Variants in PRPH observed in about 807,000 individuals in gnomAD.
PRPH encodes peripherin, also known as neurofilament 4 (57kD).
PRPH carries 48 observed loss-of-function variants against 52.6 expected under a neutral mutation model. The observed-to-expected ratio is 0.91, with a 90% CI of 0.72 to 1.16. The LOEUF (loss-of-function observed/expected upper bound fraction) is 1.16, where lower values mean the gene tolerates loss of function less well. PRPH is among the 50% of genes most tolerant of loss of function. The probability of loss-of-function intolerance (pLI) is 0.00; values close to 1 mark genes in which losing one functional copy is unlikely to be tolerated. For missense variants in PRPH, 579 were observed against 635.7 expected (o/e 0.91, Z 0.96); for synonymous variants, 279 against 283.8 (o/e 0.98, Z 0.17).
rs1943193601 is a variant in PRPH at position 49,297,150 on chromosome 12, C to A, written c.873C>A (p.Tyr291Ter). ...QEAEEWYKSK[Y>*]ADLSDAANRN... ...CCTGGGTTACCCCCACTTCTCAGTA[C>A]GCGGACCTGTCCGACGCTGCCAACC... is the stretch of plus-strand genomic sequence containing the variant. The change falls in exon 5 of 9, where the codon TAC (tyrosine) becomes TAA (stop). Residue 291 changes from tyrosine (Y) to a stop codon, truncating the protein, a stop_gained and splice_region_variant. Transcript: ENST00000257860. LOFTEE classifies it high-confidence loss of function. The surrounding 1 kb of genome is among the most constrained non-coding windows in gnomAD (Gnocchi z 4.4). 6.2e-7 allele frequency: 1 copy of A among 1,613,900 alleles called. No individual in the cohort carries two copies. The highest frequency in any genetic ancestry group is 8.5e-7 in the Non-Finnish European group (1 of 1,179,994).
In PRPH at chr12:49,296,746, G is replaced by T; in HGVS notation, c.703-143G>T. The T allele has an allele frequency of 7.4e-7, 1 of 1,347,986 alleles. No homozygotes were observed. The highest frequency in any genetic ancestry group is 1.0e-6 in the Non-Finnish European group (1 of 992,846). The allele number at this position is 1,347,986 out of a possible 1,614,324, so 83.5% of individuals were successfully genotyped here. A position where few individuals can be genotyped will look rare whatever the true frequency, so the allele number is the denominator to read the frequency against. On this transcript the variant is annotated intron_variant, in intron 3 of 8. Transcript: ENST00000257860. The surrounding 1 kb of genome is among the most constrained non-coding windows in gnomAD (Gnocchi z 5.1). ...AAACCTGGCCTCTGGTCTCGCGCCC[G>T]CGGGGGCGCAGGGCTGTACGCCCTG...
Position 49,296,220 on chromosome 12 carries a change from C to G in PRPH, c.588C>G (p.Asn196Lys). 6.2e-7 allele frequency: 1 copy of G among 1,613,284 alleles called. No individual in the cohort carries two copies. The highest frequency in any genetic ancestry group is 8.5e-7 in the Non-Finnish European group (1 of 1,179,912). ...GCAAGCGGGAGGACGCGGAGCACAACCTCGTGCTCTTCCGCAAGGTGAGTC... is the reference window on the plus strand; with the variant it reads ...GCAAGCGGGAGGACGCGGAGCACAAGCTCGTGCTCTTCCGCAAGGTGAGTC... ...ETRKREDAEH[N>K]LVLFRKDVDD... Residue 196 changes from asparagine to lysine, a missense_variant, in exon 2 of 9, where the codon AAC becomes AAG. Asn to Lys is a moderately conservative substitution (Grantham distance 94). Transcript: ENST00000257860. The surrounding 1 kb of genome is among the most constrained non-coding windows in gnomAD (Gnocchi z 5.1).
chr12:49,297,699 T>G lies in PRPH; in HGVS notation c.1240T>G (p.Phe414Val). ...TAGGATCTCCGTGCCCGTCCATTCT[T>G]TTGCCTCCTTAAATATAAAGACGAC... ...ESRISVPVHS[F>V]ASLNIKTTVP... is the part of the protein sequence containing the mutation. Residue 414 changes from phenylalanine (F) to valine (V), a missense_variant, in exon 7 of 9, where the codon TTT becomes GTT. Transcript: ENST00000257860. This position sits in a 1 kb window ranked among gnomAD's most constrained non-coding sequence, Gnocchi z 4.4. 1 of 1,608,784 alleles carries G rather than the reference T, an allele frequency of 6.2e-7. No homozygotes were observed. The highest frequency in any genetic ancestry group is 1.1e-5 in the South Asian group (1 of 91,064).
chr12:49,295,450 G>C lies in PRPH; in HGVS notation c.250G>C (p.Glu84Gln), dbSNP rs373110647. The C allele has an allele frequency of 8.7e-6, 14 of 1,607,552 alleles. No individual in the cohort carries two copies. The highest frequency in any genetic ancestry group is 1.1e-5 in the South Asian group (1 of 89,998). Residue 84 changes from glutamate (E) to glutamine (Q), a missense_variant, in exon 1 of 9, where the codon GAG (glutamate) becomes CAG (glutamine). Coordinates refer to ENST00000257860, the MANE Select transcript of PRPH (RefSeq NM_006262.4). ...PSERLDFSMA[E>Q]ALNQEFLATR... is the part of the protein sequence containing the mutation. Reference sequence around the variant, plus strand: ...GGAGCGCCTCGACTTCTCCATGGCCGAGGCCCTCAACCAGGAGTTCCTGGC... The same window carrying C: ...GGAGCGCCTCGACTTCTCCATGGCCCAGGCCCTCAACCAGGAGTTCCTGGC...
In PRPH at chr12:49,298,290, G is replaced by A. The variant is rs1355939804; in HGVS notation, c.1350G>A (p.Val450=). 1 of 1,614,040 alleles carries A rather than the reference G, an allele frequency of 6.2e-7. No individual in the cohort carries two copies. Among genetic ancestry groups the A allele is most frequent in the Non-Finnish European group, 8.5e-7 (1 of 1,180,024 alleles). Residue 450 remains valine, a splice_region_variant and synonymous_variant, in exon 9 of 9, where the codon GTG becomes GTA. Coordinates refer to ENST00000257860, the MANE Select transcript of PRPH (RefSeq NM_006262.4). The part of the protein sequence containing the change: ...IKTIETRNGE[V]VTESQKEQRS... Reference sequence around the variant, plus strand: ...ATCATATGCCCTGTCCCCAGCAGGTGGTGACAGAGTCCCAGAAGGAGCAGC... The same window carrying A: ...ATCATATGCCCTGTCCCCAGCAGGTAGTGACAGAGTCCCAGAAGGAGCAGC...
Position 49,296,257 on chromosome 12 carries a change from C to T in PRPH, c.606+19C>T. On this transcript the variant is annotated intron_variant, in intron 2 of 8. Transcript: ENST00000257860. The surrounding 1 kb of genome is among the most constrained non-coding windows in gnomAD (Gnocchi z 5.1). ...CCGCAAGGTGAGTCCGAGCCCCTCTCCGAGTTCAGCCTCCCCACCGCTACC... is the reference window on the plus strand; with the variant it reads ...CCGCAAGGTGAGTCCGAGCCCCTCTTCGAGTTCAGCCTCCCCACCGCTACC... 1.2e-6 allele frequency: 2 copies of T among 1,612,082 alleles called. No individual in the cohort carries two copies. The highest frequency in any genetic ancestry group is 1.7e-6 in the Non-Finnish European group (2 of 1,179,364).
At position 49,298,451 on chromosome 12, in the gene PRPH, A is replaced by G. The variant is rs1382974720; in HGVS notation, c.*98A>G. The G allele has an allele frequency of 3.7e-6, 5 of 1,353,536 alleles. No individual in the cohort carries two copies. Among genetic ancestry groups the G allele is most frequent in the Non-Finnish European group, 5.2e-6 (5 of 958,518 alleles). The allele number at this position is 1,353,536 out of a possible 1,614,324, so 83.8% of individuals were successfully genotyped here. ...GTCTCCTCTCCCTCTGCATGTGTCT[A>G]AAAGGTGGTACCAGGCATCCCTTTC... On this transcript the variant is annotated 3_prime_UTR_variant, in exon 9 of 9. Coordinates refer to ENST00000257860, the MANE Select transcript of PRPH (RefSeq NM_006262.4).
At position 49,297,182 on chromosome 12, in the gene PRPH, A is replaced by G. The variant is rs1265192073; in HGVS notation, c.905A>G (p.His302Arg). ...CTGTCCGACGCTGCCAACCGGAACC[A>G]CGAGGCCCTGCGCCAGGCCAAGCAG... ...ADLSDAANRN[H>R]EALRQAKQEM... Residue 302 changes from histidine (H) to arginine (R), a missense_variant, in exon 5 of 9, where the codon CAC becomes CGC. By Grantham distance (29) the His-to-Arg change is conservative (BLOSUM62 0). Coordinates refer to ENST00000257860, the MANE Select transcript of PRPH (RefSeq NM_006262.4). The surrounding 1 kb of genome is among the most constrained non-coding windows in gnomAD (Gnocchi z 4.4). 3.7e-6 allele frequency: 6 copies of G among 1,613,872 alleles called. No homozygotes were observed. In the African/African-American group the frequency reaches 8.0e-5, roughly 22 times the overall value.
Position 49,297,152 on chromosome 12 carries a change from C to T in PRPH, c.875C>T (p.Ala292Val), listed in dbSNP as rs749060913. The T allele has an allele frequency of 6.2e-7, 1 of 1,614,018 alleles. No individual in the cohort carries two copies. The highest frequency in any genetic ancestry group is 8.5e-7 in the Non-Finnish European group (1 of 1,179,972). ...TGGGTTACCCCCACTTCTCAGTACGCGGACCTGTCCGACGCTGCCAACCGG... is the reference window on the plus strand; with the variant it reads ...TGGGTTACCCCCACTTCTCAGTACGTGGACCTGTCCGACGCTGCCAACCGG... ...EAEEWYKSKY[A>V]DLSDAANRNH... is the part of the protein sequence containing the mutation. Residue 292 changes from alanine to valine, a missense_variant, in exon 5 of 9, where the codon GCG (alanine) becomes GTG (valine). Transcript: ENST00000257860. This position sits in a 1 kb window ranked among gnomAD's most constrained non-coding sequence, Gnocchi z 4.4.
In PRPH at chr12:49,297,878, C is replaced by T. The variant is rs1943210049; in HGVS notation, c.1268-80C>T. 6.3e-7 allele frequency: 1 copy of T among 1,581,438 alleles called. No individual in the cohort carries two copies. Among genetic ancestry groups the T allele is most frequent in the Non-Finnish European group, 8.7e-7 (1 of 1,150,716 alleles). ...ACTCCTCAAACCCGCCCCTCCCCTG[C>T]CCTCAGGGATAGCAGTGGGAGCCTA... On this transcript the variant is annotated intron_variant, in intron 7 of 8. Transcript: ENST00000257860. This position sits in a 1 kb window ranked among gnomAD's most constrained non-coding sequence, Gnocchi z 4.4.
Position 49,297,581 on chromosome 12 carries a change from A to G in PRPH, c.1217+4A>G, listed in dbSNP as rs762747642. 6 of 769,704 alleles carry G rather than the reference A, an allele frequency of 7.8e-6. No individual in the cohort carries two copies. Among genetic ancestry groups the G allele is most frequent in the Non-Finnish European group, 1.1e-5 (6 of 539,808 alleles). The allele number at this position is 769,704 out of a possible 1,614,324, so 47.7% of individuals were successfully genotyped here. On this transcript the variant is annotated splice_donor_region_variant and intron_variant, in intron 6 of 8. Coordinates refer to ENST00000257860, the MANE Select transcript of PRPH (RefSeq NM_006262.4). This position sits in a 1 kb window ranked among gnomAD's most constrained non-coding sequence, Gnocchi z 4.4. The stretch of plus-strand genomic sequence containing the variant: ...TGCTGGAGGGCGAGGAGAGCCGGTG[A>G]GGGTGGAGCTGCTGGGGCGGGGCAG...
chr12:49,295,395 G>A lies in PRPH; in HGVS notation c.195G>A (p.Ala65=), dbSNP rs752808070. 5 of 1,605,768 alleles carry A rather than the reference G, an allele frequency of 3.1e-6. No individual in the cohort carries two copies. Among genetic ancestry groups the A allele is most frequent in the Admixed American group, 1.7e-5 (1 of 59,090 alleles). Residue 65 remains alanine, a synonymous_variant, in exon 1 of 9, where the codon GCG becomes GCA. Transcript: ENST00000257860. The stretch of plus-strand genomic sequence containing the variant: ...TGGGCAGCTTCCGTAGCCCCCGAGC[G>A]GGAGCGGGCGCCCTCCTGCGCCTGC... ...VRLGSFRSPR[A]GAGALLRLPS... is the part of the protein sequence containing the mutation.
At position 49,297,530 on chromosome 12, in the gene PRPH, C is replaced by A; in HGVS notation, c.1170C>A (p.Asp390Glu). Residue 390 changes from aspartate to glutamate, a missense_variant, in exon 6 of 9, where the codon GAC (aspartate) becomes GAA (glutamate). Coordinates refer to ENST00000257860, the MANE Select transcript of PRPH (RefSeq NM_006262.4). This position sits in a 1 kb window ranked among gnomAD's most constrained non-coding sequence, Gnocchi z 4.4. Reference protein sequence around the residue: ...QELLNVKMALDIEIATYRKLL... With the variant: ...QELLNVKMALEIEIATYRKLL... ...TCCTCAACGTCAAGATGGCCCTGGA[C>A]ATCGAGATCGCCACCTACCGCAAGC... The A allele has an allele frequency of 1.2e-6, 2 of 1,607,242 alleles. No homozygotes were observed. Among genetic ancestry groups the A allele is most frequent in the Non-Finnish European group, 1.7e-6 (2 of 1,177,446 alleles).
chr12:49,296,170 C>T lies in PRPH; in HGVS notation c.546-8C>T, dbSNP rs1565658178. The stretch of plus-strand genomic sequence containing the variant: ...CGCAGTTCAGCCTCTGCACGCTCTT[C>T]CCGTCAGGTTGGAGGAGGAGACGCG... On this transcript the variant is annotated splice_polypyrimidine_tract_variant and splice_region_variant and intron_variant, in intron 1 of 8. Transcript: ENST00000257860. The surrounding 1 kb of genome is among the most constrained non-coding windows in gnomAD (Gnocchi z 5.1). 17 of 1,611,518 alleles carry T rather than the reference C, an allele frequency of 1.1e-5. No individual in the cohort carries two copies. Among genetic ancestry groups the T allele is most frequent in the Non-Finnish European group, 1.4e-5 (17 of 1,179,746 alleles).
Position 49,297,945 on chromosome 12 carries a change from C to T in PRPH, c.1268-13C>T. The stretch of plus-strand genomic sequence containing the variant: ...CGCCTTCCCCCTTGAACCCTTTATC[C>T]TGCTTTCTTCAGTGCCTGAGGTGGA... On this transcript the variant is annotated splice_polypyrimidine_tract_variant and intron_variant, in intron 7 of 8. Transcript: ENST00000257860. The surrounding 1 kb of genome is among the most constrained non-coding windows in gnomAD (Gnocchi z 4.4). 1 of 1,614,052 alleles carries T rather than the reference C, an allele frequency of 6.2e-7. No individual in the cohort carries two copies. Among genetic ancestry groups the T allele is most frequent in the Non-Finnish European group, 8.5e-7 (1 of 1,179,950 alleles).
chr12:49,296,411 C>A lies in PRPH; in HGVS notation c.607-21C>A, dbSNP rs777981853. The A allele has an allele frequency of 1.2e-6, 2 of 1,612,244 alleles. No homozygotes were observed. The highest frequency in any genetic ancestry group is 3.3e-5 in the Admixed American group (2 of 59,968). ...GCGCAGCCCCTAACTTATCTTGAAC[C>A]TCCACTGCCACCCCTCGAAGGACGT... is the stretch of plus-strand genomic sequence containing the variant. On this transcript the variant is annotated intron_variant, in intron 2 of 8. Coordinates refer to ENST00000257860, the MANE Select transcript of PRPH (RefSeq NM_006262.4). The surrounding 1 kb of genome is among the most constrained non-coding windows in gnomAD (Gnocchi z 5.1).
rs1565658892 is a variant in PRPH, at chr12:49,297,092, T to G, written c.870+36T>G. 6.2e-7 allele frequency: 1 copy of G among 1,613,762 alleles called. No homozygotes were observed. Among genetic ancestry groups the G allele is most frequent in the Admixed American group, 1.7e-5 (1 of 59,994 alleles). Reference sequence around the variant, plus strand: ...CGGGAGGGCCTGCGAGGCGGGACGCTGGGGTGGTGTCGCGCGTCCCAGCCG... The same window carrying G: ...CGGGAGGGCCTGCGAGGCGGGACGCGGGGGTGGTGTCGCGCGTCCCAGCCG... On this transcript the variant is annotated intron_variant, in intron 4 of 8. Coordinates refer to ENST00000257860, the MANE Select transcript of PRPH (RefSeq NM_006262.4). The surrounding 1 kb of genome is among the most constrained non-coding windows in gnomAD (Gnocchi z 4.4).
At position 49,297,614 on chromosome 12, in the gene PRPH, T is replaced by A; in HGVS notation, c.1217+37T>A. On this transcript the variant is annotated intron_variant, in intron 6 of 8. Transcript: ENST00000257860. This position sits in a 1 kb window ranked among gnomAD's most constrained non-coding sequence, Gnocchi z 4.4. Reference sequence around the variant, plus strand: ...GCTGCTGGGGCGGGGCAGGGCGGGGTCGGGACTGGGCCGGGCAGGGCGGGG... The same window carrying A: ...GCTGCTGGGGCGGGGCAGGGCGGGGACGGGACTGGGCCGGGCAGGGCGGGG... 1.0e-6 allele frequency: 1 copy of A among 973,782 alleles called. No individual in the cohort carries two copies. The highest frequency in any genetic ancestry group is 1.5e-6 in the Non-Finnish European group (1 of 672,482). 60.3% of individuals were successfully genotyped at this position (973,782 alleles called of 1,614,324 possible). A position where few individuals can be genotyped will look rare whatever the true frequency, so the allele number is the denominator to read the frequency against.
Position 49,295,506 on chromosome 12 carries a change from G to A in PRPH, c.306G>A (p.Gln102=), listed in dbSNP as rs751892534. Residue 102 remains glutamine (Q), a synonymous_variant, in exon 1 of 9, where the codon CAG becomes CAA. Coordinates refer to ENST00000257860, the MANE Select transcript of PRPH (RefSeq NM_006262.4). ...GCAGCAACGAGAAGCAGGAGCTGCA[G>A]GAGCTCAACGACCGCTTCGCCAACT... ...ATRSNEKQEL[Q]ELNDRFANFI... is the part of the protein sequence containing the mutation. 10 of 1,606,724 alleles carry A rather than the reference G, an allele frequency of 6.2e-6. No homozygotes were observed. The highest frequency in any genetic ancestry group is 7.6e-6 in the Non-Finnish European group (9 of 1,177,016).
Sources: allele counts gnomAD v4.1 joint callset, GRCh38; gene constraint gnomAD v4.1.1; non-coding constraint Gnocchi (gnomAD v3.1); transcripts MANE v1.5; gene names NCBI Gene and HGNC (gene_info 2026-07-23, HGNC 2026-07-21).